Variants in YWHAE observed in about 807,000 individuals in gnomAD.
YWHAE encodes the protein 14-3-3 protein epsilon.
A neutral mutation model predicts 30.1 loss-of-function variants in YWHAE; 4 were observed. The ratio of observed to expected loss-of-function variants is 0.13; its 90% confidence interval spans 0.07 to 0.30. The LOEUF (loss-of-function observed/expected upper bound fraction) is 0.30. YWHAE is among the 10% of genes least tolerant of loss of function. YWHAE has a pLI of 1.00. For synonymous variants in YWHAE, 118 were observed against 111.8 expected, an observed-to-expected ratio of 1.06 and a Z score of -0.35; for missense variants, 121 against 315.9, an observed-to-expected ratio of 0.38 and a Z score of 4.68.
intron 1 of YWHAE, among the ~76,000 whole-genome samples, chr17:1,374,406 G>A (rs916315352): frequency 2.0e-5 from 3 of 151,996 alleles, no homozygotes; most frequent in Non-Finnish European, 4.4e-5. Context: ...TGCTACGAAC[G>A]TTCTTTAAGT....
At chr17:1,364,618 G>C in intron 2 of YWHAE, 1 of 546,014 alleles carries the variant, frequency 1.8e-6, no homozygotes. Flanking sequence ...AGACCTGCCA[G>C]TGGATGTGAT....
chr17:1,378,250 CTG>C (rs1173703967), intron 1 of YWHAE, among the ~76,000 whole-genome samples: 9 of 152,304 alleles, frequency 5.9e-5, no homozygotes, highest in African/African-American at 1.9e-4. Context: ...CATGAAATAA[CTG>C]AGGACATTTC....
At position 1,362,074 on chromosome 17, in the gene YWHAE, C is replaced by CTA. The variant is rs1018036346; in HGVS notation, c.265-68_265-67dup. The stretch of plus-strand genomic sequence containing the variant: ...GAAATTCTACAAATTATTACATATT[C>CTA]TATCTCTGGTTTTGAGGTAGAGAGC... On this transcript the variant is annotated intron_variant, in intron 2 of 5. Transcript: ENST00000264335. 2.8e-5 allele frequency: 27 copies of CTA among 976,842 alleles called. No individual in the cohort carries two copies. The Admixed American group carries it at 3.0e-4, about 11-fold the overall frequency. 60.5% of individuals were successfully genotyped at this position (976,842 alleles called of 1,614,324 possible).
chr17:1,393,177 T>G (rs1227641162), intron 1 of YWHAE, among the ~76,000 whole-genome samples: 1 of 143,260 alleles, frequency 7.0e-6, no homozygotes, highest in Non-Finnish European at 1.5e-5. Context: ...TAAATAAAAT[T>G]TAAAAACATA....
At chr17:1,357,295 C>A (rs1328810523) in intron 4 of YWHAE, among the ~76,000 whole-genome samples, 1 of 142,272 alleles carries the variant, frequency 7.0e-6, no homozygotes, top group Non-Finnish European at 1.5e-5. Context: ...CCCAGCTACT[C>A]GGGAGGCTGA....
intron 1 of YWHAE, among the ~76,000 whole-genome samples, chr17:1,388,113 GGTTGGTTTTT>G (rs2073332333): frequency 8.5e-5 from 3 of 35,124 alleles, no homozygotes; most frequent in South Asian, 1.3e-3. Context: ...TTTTTTTTTT[GGTTGGTTTTT>G]TTTTTTTTTT....
At chr17:1,397,440 G>A (rs1057441460) in intron 1 of YWHAE, among the ~76,000 whole-genome samples, 5 of 152,052 alleles carry the variant, frequency 3.3e-5, no homozygotes, top group Admixed American at 6.6e-5. Flanking sequence ...TCTTCCTCCC[G>A]TACTGTTAAA....
intron 1 of YWHAE, among the ~76,000 whole-genome samples, chr17:1,380,217 G>C (rs1315571301): frequency 6.6e-6 from 1 of 150,926 alleles, no homozygotes; most frequent in Non-Finnish European, 1.5e-5. Flanking sequence ...GGGTTCAAGA[G>C]TCTCCTGCCT....
intron 1 of YWHAE, among the ~76,000 whole-genome samples, chr17:1,368,135 C>T (rs899698139): frequency 1.3e-5 from 2 of 151,860 alleles, no homozygotes; most frequent in African/African-American, 4.8e-5. Flanking sequence ...GCCTGTAATC[C>T]CAACACTTTG....
chr17:1,396,313 A>G (rs2073470510), intron 1 of YWHAE, among the ~76,000 whole-genome samples: 1 of 149,908 alleles, frequency 6.7e-6, no homozygotes, highest in African/African-American at 2.5e-5. Flanking sequence ...AGTCCCAGCT[A>G]CTCGGGAGGG....
chr17:1,370,320 G>A (rs55749502), intron 1 of YWHAE, among the ~76,000 whole-genome samples: 105,734 of 150,874 alleles, frequency 0.7, 37,567 homozygotes, highest in African/African-American at 0.8. Flanking sequence ...TTTAGTAGAG[G>A]CGGGGTTTCA....
Position 1,382,450 on chromosome 17 carries a change from G to C in YWHAE, c.65-17392C>G, listed in dbSNP as rs550943166. Among the ~76,000 whole-genome samples the C allele has an allele frequency of 2.0e-5, 3 of 148,598 alleles. No homozygotes were observed. The East Asian group carries it at 6.0e-4, about 30-fold the overall frequency. On this transcript the variant is annotated intron_variant, in intron 1 of 5. Coordinates refer to ENST00000264335, the MANE Select transcript of YWHAE (RefSeq NM_006761.5). ...GCTCTACCGGCAAGCTCCGCCTCCC[G>C]GGTTCTGGCCATTCTCCTGCTTCAG...
chr17:1,382,655 T>C (rs1180558989), intron 1 of YWHAE, among the ~76,000 whole-genome samples: 2 of 151,762 alleles, frequency 1.3e-5, no homozygotes. Flanking sequence ...CCACCACGCC[T>C]GGCCAGTAGT....
intron 1 of YWHAE, among the ~76,000 whole-genome samples, chr17:1,387,239 C>A (rs1339021452): frequency 6.6e-6 from 1 of 152,060 alleles, no homozygotes; most frequent in Non-Finnish European, 1.5e-5. Context: ...TCCCCTGCTC[C>A]ATCAGAATGG....
chr17:1,356,496 TA>T (rs2072745452), intron 4 of YWHAE, among the ~76,000 whole-genome samples: 1 of 152,240 alleles, frequency 6.6e-6, no homozygotes, highest in Non-Finnish European at 1.5e-5. Context: ...ACTTCAGGTT[TA>T]AGCAGAAGCA....
At position 1,400,006 on chromosome 17, in the gene YWHAE, G is replaced by A. The variant is rs371464629; in HGVS notation, c.64+41C>T. On this transcript the variant is annotated intron_variant, in intron 1 of 5. Transcript: ENST00000264335. ...CCCGGCCTCTGTGGGCGGCGGCAGAGGGTCCGAGAATTCCAGCCCCCCGTT... is the reference window on the plus strand; with the variant it reads ...CCCGGCCTCTGTGGGCGGCGGCAGAAGGTCCGAGAATTCCAGCCCCCCGTT... The A allele has an allele frequency of 2.0e-4, 323 of 1,611,710 alleles. 2 individuals are homozygous for A. Among genetic ancestry groups the A allele is most frequent in the East Asian group, 1.9e-3 (84 of 44,860 alleles).
chr17:1,396,829 T>A (rs1479888182), intron 1 of YWHAE, among the ~76,000 whole-genome samples: 2 of 151,612 alleles, frequency 1.3e-5, no homozygotes, highest in African/African-American at 4.8e-5. Flanking sequence ...TCCATGTTGG[T>A]CAGGCTGGTC....
In YWHAE at chr17:1,359,811, G is replaced by GT. The variant is rs879783534; in HGVS notation, c.578+1280dup. On this transcript the variant is annotated intron_variant, in intron 4 of 5. Coordinates refer to ENST00000264335, the MANE Select transcript of YWHAE (RefSeq NM_006761.5). ...TCAATGTATTCGGTGCCACTAAATTGTTGTGTGTGTGTGTGTGTGTGTGTG... is the reference window on the plus strand; with the variant it reads ...TCAATGTATTCGGTGCCACTAAATTGTTTGTGTGTGTGTGTGTGTGTGTGTG... Among the ~76,000 whole-genome samples the GT allele has an allele frequency of 1.5e-3, 142 of 96,470 alleles. 1 individual carries two copies. Among genetic ancestry groups the GT allele is most frequent in the Admixed American group, 5.4e-3 (41 of 7,646 alleles). 63.3% of individuals were successfully genotyped at this position (96,470 alleles called of 152,430 possible).
intron 1 of YWHAE, among the ~76,000 whole-genome samples, chr17:1,370,825 G>A (rs907509695): frequency 4.6e-5 from 7 of 151,756 alleles, no homozygotes; most frequent in Admixed American, 2.0e-4. Context: ...TGAAAACCTC[G>A]TCTCTACTAA....
Sources: allele counts gnomAD v4.1 joint callset (sites outside exome capture counted in the v4.1 genomes callset), GRCh38; gene constraint gnomAD v4.1.1; transcripts MANE v1.5; gene names NCBI Gene and HGNC (gene_info 2026-07-23, HGNC 2026-07-21).